LRMDA: variants seen among roughly 807,000 people sequenced by gnomAD.
LRMDA encodes leucine rich melanocyte differentiation associated, also known as leucine-rich melanocyte differentiation-associated protein.
A neutral mutation model predicts 29.8 loss-of-function variants in LRMDA; 18 were observed. The ratio of observed to expected loss-of-function variants is 0.60; its 90% CI spans 0.42 to 0.90. LRMDA has a LOEUF of 0.90. LRMDA is among the 40% of genes least tolerant of loss of function. LRMDA has a pLI of 0.00. For missense variants in LRMDA, 273 were observed against 273.9 expected, an observed-to-expected ratio of 1.00 and a Z score of 0.02; for synonymous variants, 125 against 109.4, an observed-to-expected ratio of 1.14 and a Z score of -0.89.
intron 6 of LRMDA, among the ~76,000 whole-genome samples, chr10:76,450,114 G>A (rs1842391725): frequency 6.6e-6 from 1 of 151,874 alleles, no homozygotes. Context: ...TTTTTCGTGT[G>A]CTTTCTCAGG....
chr10:75,768,091 C>G (rs924632072), intron 2 of LRMDA, among the ~76,000 whole-genome samples: 14 of 152,208 alleles, frequency 9.2e-5, no homozygotes, highest in African/African-American at 3.4e-4. Flanking sequence ...CTTCTAGTCT[C>G]CAGGACTGTG....
chr10:75,758,513 A>G (rs972533019), intron 2 of LRMDA, among the ~76,000 whole-genome samples: 1 of 152,294 alleles, frequency 6.6e-6, no homozygotes, highest in East Asian at 1.9e-4. Context: ...GAGCATTTCT[A>G]CAGTCCGTCT....
intron 5 of LRMDA, among the ~76,000 whole-genome samples, chr10:76,199,209 G>A (rs960174): frequency 0.16 from 24,792 of 152,070 alleles, 5,244 homozygotes; most frequent in African/African-American, 0.49. Context: ...GTCAAACTCT[G>A]TGATAATGGT....
intron 2 of LRMDA, among the ~76,000 whole-genome samples, chr10:75,901,652 A>G (rs1267372992): frequency 1.3e-5 from 2 of 152,254 alleles, no homozygotes; most frequent in African/African-American, 2.4e-5. Context: ...GTCAAAGTGC[A>G]AAAGTCAGAA....
At chr10:75,535,778 T>G (rs1235331267) in intron 2 of LRMDA, among the ~76,000 whole-genome samples, 3 of 152,218 alleles carry the variant, frequency 2.0e-5, no homozygotes, top group Non-Finnish European at 2.9e-5. Flanking sequence ...CAACTGGAAC[T>G]GCTCTGCCTC....
intron 5 of LRMDA, among the ~76,000 whole-genome samples, chr10:76,125,619 TA>T (rs1481314341): frequency 6.6e-6 from 1 of 151,946 alleles, no homozygotes; most frequent in East Asian, 1.9e-4. Flanking sequence ...ACAGTGAAGG[TA>T]GGGGGAGAGG....
intron 2 of LRMDA, among the ~76,000 whole-genome samples, chr10:75,474,941 G>A (rs955913561): frequency 9.2e-5 from 14 of 152,150 alleles, no homozygotes; most frequent in Admixed American, 2.0e-4. Context: ...CTGCAGGGCC[G>A]GTGTTGCTGT....
intron 2 of LRMDA, among the ~76,000 whole-genome samples, chr10:75,941,593 C>T (rs570945988): frequency 6.6e-6 from 1 of 152,106 alleles, no homozygotes; most frequent in Non-Finnish European, 1.5e-5. Flanking sequence ...TGCATTGTAA[C>T]CTCGTGGGCA....
chr10:76,171,216 A>T (rs548980181), intron 5 of LRMDA, among the ~76,000 whole-genome samples: 1 of 152,138 alleles, frequency 6.6e-6, no homozygotes, highest in Admixed American at 6.5e-5. Flanking sequence ...TCTCGCTGCA[A>T]CCTCTGCCTC....
chr10:76,152,408 C>G (rs1820618699), intron 5 of LRMDA, among the ~76,000 whole-genome samples: 1 of 152,122 alleles, frequency 6.6e-6, no homozygotes, highest in African/African-American at 2.4e-5. Flanking sequence ...CATATTTTAT[C>G]TATCCATTAA....
chr10:76,449,188 T>C (rs79517145), intron 6 of LRMDA, among the ~76,000 whole-genome samples: 2,077 of 151,964 alleles, frequency 0.014, 29 homozygotes, highest in Non-Finnish European at 0.021. Flanking sequence ...AGTTTATGTA[T>C]TTATTTATAA....
rs143416816 is a variant in LRMDA at position 76,080,859 on chromosome 10, C to T, written c.516+22076C>T. Among the ~76,000 whole-genome samples, 303 of 152,234 alleles carry T rather than the reference C, an allele frequency of 2.0e-3. 5 individuals carry two copies. The highest frequency in any genetic ancestry group is 7.1e-3 in the African/African-American group (295 of 41,528). On this transcript the variant is annotated intron_variant, in intron 5 of 6. Transcript: ENST00000611255. ...GGTACTCAAAAGCAAATGTCTCTTC[C>T]GACGGCCTGTGGCATGTCAGGGCTT...
intron 2 of LRMDA, among the ~76,000 whole-genome samples, chr10:75,720,001 T>A (rs1842546558): frequency 6.6e-6 from 1 of 152,152 alleles, no homozygotes; most frequent in African/African-American, 2.4e-5. Flanking sequence ...ATTTACAATA[T>A]CTTTCTTCTC....
chr10:76,404,754 T>C (rs10824414), intron 6 of LRMDA, among the ~76,000 whole-genome samples: 40,109 of 152,112 alleles, frequency 0.26, 7,323 homozygotes, highest in African/African-American at 0.5. Flanking sequence ...TTTGACACTC[T>C]TAAAGGGACT....
At chr10:76,083,616 A>T (rs1009412180) in intron 5 of LRMDA, among the ~76,000 whole-genome samples, 4 of 152,084 alleles carry the variant, frequency 2.6e-5, no homozygotes, top group Non-Finnish European at 5.9e-5. Context: ...ATCACCTGAG[A>T]TCAGGAGTTC....
intron 2 of LRMDA, among the ~76,000 whole-genome samples, chr10:75,804,467 G>T (rs1352847145): frequency 1.3e-5 from 2 of 152,206 alleles, no homozygotes; most frequent in Non-Finnish European, 2.9e-5. Context: ...AAAAAATCAG[G>T]CCTGCCGATG....
intron 2 of LRMDA, among the ~76,000 whole-genome samples, chr10:75,815,182 A>G (rs1844036504): frequency 6.6e-6 from 1 of 151,884 alleles, no homozygotes; most frequent in South Asian, 2.1e-4. Context: ...GAGCCTCCTC[A>G]CAGGATCCAC....
chr10:76,363,164 A>G lies in LRMDA; in HGVS notation c.601+38679A>G, dbSNP rs1328546059. 1.1e-3 allele frequency among the ~76,000 whole-genome samples: 38 copies of G among 34,184 alleles called. 1 individual carries two copies. Among genetic ancestry groups the G allele is most frequent in the Non-Finnish European group, 1.9e-3 (27 of 14,448 alleles). 22.4% of individuals were successfully genotyped at this position (34,184 alleles called of 152,430 possible). On this transcript the variant is annotated intron_variant, in intron 6 of 6. Coordinates refer to ENST00000611255, the MANE Select transcript of LRMDA (RefSeq NM_001305581.2). ...AAGAAAGAAAGAAAGAAAGAAAGAA[A>G]GAAAGAAAGAAAGGAGGGAGGGAGG...
In LRMDA at chr10:75,806,821, A is replaced by C. The variant is rs78474687; in HGVS notation, c.132-229187A>C. 4.7e-5 allele frequency among the ~76,000 whole-genome samples: 6 copies of C among 128,058 alleles called. No individual in the cohort carries two copies. In the South Asian group the frequency reaches 8.6e-4, roughly 18 times the overall value. 84.0% of individuals were successfully genotyped at this position (128,058 alleles called of 152,430 possible). The stretch of plus-strand genomic sequence containing the variant: ...ACACTGGAAATTGCAAAAAAAAAAA[A>C]AAAAAACCACACACAAAAAAACCTA... On this transcript the variant is annotated intron_variant, in intron 2 of 6. Transcript: ENST00000611255.
Sources: gnomAD v4.1 joint callset for allele counts (sites outside exome capture counted in the v4.1 genomes callset) on GRCh38, gnomAD v4.1.1 for gene constraint, MANE v1.5 for transcripts, NCBI Gene and HGNC (gene_info 2026-07-23, HGNC 2026-07-21) for gene names.